The following SSBP3 variants were observed in gnomAD, a reference collection of about 807,000 sequenced individuals.
SSBP3 encodes the protein single stranded DNA binding protein 3.
Under a neutral mutation model 69.6 loss-of-function variants are expected in SSBP3, and 5 were observed. That is an observed-to-expected ratio of 0.07 (90% CI 0.04 to 0.15). The LOEUF is 0.15. Ranked by LOEUF, SSBP3 falls within the 10% of genes least tolerant of loss-of-function variation. SSBP3 has a pLI of 1.00. For missense variants in SSBP3, 312 were observed against 534.0 expected (o/e 0.58, Z 4.10); for synonymous variants, 196 against 193.4 (o/e 1.01, Z -0.11).
At chr1:54,237,313 T>C (rs951793179) in intron 14 of SSBP3, 3 of 152,222 alleles carry the variant, frequency 2.0e-5, no homozygotes, top group African/African-American at 7.2e-5. Context: ...AATCAGGAAA[T>C]GTAACCTTCT....
At chr1:54,300,542 C>T (rs1645783153) in intron 4 of SSBP3, among the ~76,000 whole-genome samples, 1 of 152,170 alleles carries the variant, frequency 6.6e-6, no homozygotes, top group African/African-American at 2.4e-5. Flanking sequence ...CACAGAGTAC[C>T]GCACAGGCCT....
chr1:54,368,888 C>T (rs1217975761), intron 4 of SSBP3, among the ~76,000 whole-genome samples: 1 of 152,164 alleles, frequency 6.6e-6, no homozygotes, highest in African/African-American at 2.4e-5. Context: ...CACAACTTCT[C>T]CAACTGGGAG....
chr1:54,363,062 G>C (rs1456758051), intron 4 of SSBP3, among the ~76,000 whole-genome samples: 2 of 152,138 alleles, frequency 1.3e-5, no homozygotes, highest in African/African-American at 4.8e-5. Flanking sequence ...CTCCATCAGT[G>C]TGGATAGAAT....
At chr1:54,240,047 GGTGTGTGTGTGTGTGTGTGTGTGTGT>G (rs71066910) in intron 13 of SSBP3, among the ~76,000 whole-genome samples, 1 of 77,792 alleles carries the variant, frequency 1.3e-5, no homozygotes, top group South Asian at 5.7e-4. Flanking sequence ...ATTGTGATGG[GGTGTGTGTGTGTGTGTGTGTGTGTGT>G]GTGTGTGTGT....
At chr1:54,387,965 G>T (rs937047237) in intron 4 of SSBP3, among the ~76,000 whole-genome samples, 1 of 152,076 alleles carries the variant, frequency 6.6e-6, no homozygotes, top group African/African-American at 2.4e-5. Flanking sequence ...CAAAGTACAG[G>T]CAATTCCCAA....
chr1:54,331,251 T>C (rs911182234), intron 4 of SSBP3, among the ~76,000 whole-genome samples: 1 of 152,086 alleles, frequency 6.6e-6, no homozygotes, highest in Non-Finnish European at 1.5e-5. Flanking sequence ...AGTGTGTGCA[T>C]GCACACACAC....
chr1:54,405,893 ACCGC>A (rs547030913), intron 1 of SSBP3, 56 bp downstream of exon 1: 422,263 of 653,340 alleles, frequency 0.65, 118,109 homozygotes, highest in Non-Finnish European at 0.68. Flanking sequence ...CCTGCCTCCC[ACCGC>A]CCGCCCGCCC....
chr1:54,404,553 G>C (rs1047718757), intron 3 of SSBP3, 23 bp downstream of exon 3: 1 of 1,612,496 alleles, frequency 6.2e-7, no homozygotes, highest in Non-Finnish European at 8.5e-7. Flanking sequence ...AAACACACAT[G>C]CAAAACTATC....
chr1:54,407,379 G>C (rs926825718), upstream of SSBP3, among the ~76,000 whole-genome samples: 9 of 152,034 alleles, frequency 5.9e-5, no homozygotes, highest in Non-Finnish European at 8.8e-5. Context: ...GGGAGTGAGG[G>C]GACGAGAGTC....
intron 4 of SSBP3, among the ~76,000 whole-genome samples, chr1:54,350,567 C>A (rs919795791): frequency 6.6e-6 from 1 of 152,208 alleles, no homozygotes; most frequent in Non-Finnish European, 1.5e-5. Context: ...GACATGTGCA[C>A]AACCCGGGTT....
intron 4 of SSBP3, among the ~76,000 whole-genome samples, chr1:54,345,760 A>T (rs1335447697): frequency 1.3e-5 from 2 of 152,078 alleles, no homozygotes; most frequent in Non-Finnish European, 2.9e-5. Flanking sequence ...TACACCTGTA[A>T]TCCTGGAGGC....
chr1:54,316,705 TAAA>T (rs1646119961), intron 4 of SSBP3, among the ~76,000 whole-genome samples: 2 of 80,806 alleles, frequency 2.5e-5, no homozygotes, highest in Non-Finnish European at 5.5e-5. Context: ...AATAAATAAA[TAAA>T]TAAAATAAAA....
At chr1:54,300,420 G>A (rs540778787) in intron 4 of SSBP3, among the ~76,000 whole-genome samples, 2 of 152,220 alleles carry the variant, frequency 1.3e-5, no homozygotes, top group East Asian at 3.9e-4. Flanking sequence ...GCAGGTGCTC[G>A]GGGAGGATGT....
Position 54,258,202 on chromosome 1 carries a change from G to T in SSBP3, c.367-53C>A. On this transcript the variant is annotated intron_variant, in intron 5 of 17. Coordinates refer to ENST00000610401, the Ensembl canonical transcript of SSBP3. This position sits in a 1 kb window ranked among gnomAD's most constrained non-coding sequence, Gnocchi z 4.5. ...TATAGATCACAGCACATGGAGAAGC[G>T]CAGAAGCAGCTTAAAAGAACAAAAA... 2 of 1,342,024 alleles carry T rather than the reference G, an allele frequency of 1.5e-6. No homozygotes were observed. Among genetic ancestry groups the T allele is most frequent in the Non-Finnish European group, 2.0e-6 (2 of 1,022,770 alleles). The allele number at this position is 1,342,024 out of a possible 1,614,324, so 83.1% of individuals were successfully genotyped here. A position where few individuals can be genotyped will look rare whatever the true frequency, so the allele number is the denominator to read the frequency against.
Position 54,256,111 on chromosome 1 carries a change from T to C in SSBP3, c.507+1016A>G, listed in dbSNP as rs577464851. Among the ~76,000 whole-genome samples, 125 of 150,672 alleles carry C rather than the reference T, an allele frequency of 8.3e-4. No homozygotes were observed. In the South Asian group the frequency reaches 9.5e-3, roughly 11 times the overall value. On this transcript the variant is annotated intron_variant, in intron 7 of 17. Transcript: ENST00000610401. ...AAAGACAATTGGAGACCCCTGGTAA[T>C]GAGCATCTCTCCATAGTCCCTGCAT...
chr1:54,273,160 C>T (rs1354699912), intron 5 of SSBP3, among the ~76,000 whole-genome samples: 2 of 152,232 alleles, frequency 1.3e-5, no homozygotes, highest in Admixed American at 6.5e-5. Flanking sequence ...ATCTCCCAGG[C>T]GCTGCCTGCT....
In SSBP3 at chr1:54,251,701, G is replaced by A; in HGVS notation, c.575-9C>T. The A allele has an allele frequency of 1.3e-6, 2 of 1,565,290 alleles. No individual in the cohort carries two copies. Among genetic ancestry groups the A allele is most frequent in the Non-Finnish European group, 1.7e-6 (2 of 1,153,154 alleles). ...TCCCATGTTGGGGTGGCCTGCGTGA[G>A]AGAGGAGGCGCGTCATGGGATGGCA... On this transcript the variant is annotated splice_polypyrimidine_tract_variant and intron_variant, in intron 8 of 17. Coordinates refer to ENST00000610401, the Ensembl canonical transcript of SSBP3.
At chr1:54,269,121 T>C (rs564595328) in intron 5 of SSBP3, among the ~76,000 whole-genome samples, 48 of 152,054 alleles carry the variant, frequency 3.2e-4, no homozygotes, top group Non-Finnish European at 6.5e-4. Flanking sequence ...GGCTCAGCCC[T>C]CCTTATTACC....
intron 10 of SSBP3, 91 bp from the exon 11 acceptor site, chr1:54,242,303 A>G: frequency 6.8e-7 from 1 of 1,479,436 alleles, no homozygotes; most frequent in Non-Finnish European, 9.4e-7. Flanking sequence ...AAGGGCTGAA[A>G]TCACAACAGG....
Sources: gnomAD v4.1 joint callset for allele counts (sites outside exome capture counted in the v4.1 genomes callset) on GRCh38, gnomAD v4.1.1 for gene constraint, Gnocchi (gnomAD v3.1) non-coding constraint, MANE v1.5 for transcripts, NCBI Gene and HGNC (gene_info 2026-07-23, HGNC 2026-07-21) for gene names.